The following ZNF804A variants were observed in gnomAD, a reference collection of about 807,000 sequenced individuals.
The protein encoded by ZNF804A is zinc finger protein 804A.
In ZNF804A, 2 loss-of-function variants were observed where a neutral mutation model predicts 16.5. The ratio of observed to expected loss-of-function variants is 0.12; its 90% CI spans 0.05 to 0.38. The LOEUF (loss-of-function observed/expected upper bound fraction) is 0.38, where lower values mean the gene tolerates loss of function less well. Ranked by LOEUF, ZNF804A falls within the 10% of genes least tolerant of loss-of-function variation. The pLI, the probability that ZNF804A is intolerant of heterozygous loss-of-function variation, is 0.99. For synonymous variants in ZNF804A, 534 were observed against 489.6 expected (o/e 1.09, Z -1.20); for missense variants, 1,473 against 1,390.7 (o/e 1.06, Z -0.94).
chr2:184,691,388 T>C (rs1297773269), intron 1 of ZNF804A, among the ~76,000 whole-genome samples: 1 of 151,882 alleles, frequency 6.6e-6, no homozygotes, highest in Admixed American at 6.6e-5. Flanking sequence ...TCCAAGTCAA[T>C]TGGTATGAGA....
rs1015626217 is a variant in ZNF804A, at chr2:184,936,205, G to A, written c.809G>A (p.Ser270Asn). ...TCTTCACCAACAGATGTGCTTTTGA[G>A]TTCTGAGGAGAAAACTAACTCTTTT... ...QQSSPTDVLLSSEEKTNSFHP... is the reference protein window; with the variant it reads ...QQSSPTDVLLNSEEKTNSFHP... Residue 270 changes from serine (S) to asparagine (N), a missense_variant, in exon 4 of 4, where the codon AGT (serine) becomes AAT (asparagine). By Grantham distance (46) the Ser-to-Asn change is conservative (BLOSUM62 1). Coordinates refer to ENST00000302277, the MANE Select transcript of ZNF804A (RefSeq NM_194250.2). The A allele has an allele frequency of 1.9e-6, 3 of 1,614,042 alleles. No homozygotes were observed. Among genetic ancestry groups the A allele is most frequent in the Non-Finnish European group, 1.7e-6 (2 of 1,179,940 alleles).
rs139851450 is a variant in ZNF804A, at chr2:184,891,150, C to T, written c.255+24638C>T. 1.6e-4 allele frequency among the ~76,000 whole-genome samples: 24 copies of T among 152,162 alleles called. 2 individuals carry two copies. In the East Asian group the frequency reaches 4.6e-3, roughly 29 times the overall value. On this transcript the variant is annotated intron_variant, in intron 2 of 3. Transcript: ENST00000302277. ...GTTTCTGCAGGCTTTGGAAATTTACCTTTCTTTAATGCCAAGCTGACGTTC... is the reference window on the plus strand; with the variant it reads ...GTTTCTGCAGGCTTTGGAAATTTACTTTTCTTTAATGCCAAGCTGACGTTC...
Position 184,935,778 on chromosome 2 carries a change from T to A in ZNF804A, c.387-5T>A. 2 of 1,589,998 alleles carry A rather than the reference T, an allele frequency of 1.3e-6. No individual in the cohort carries two copies. Among genetic ancestry groups the A allele is most frequent in the Non-Finnish European group, 1.7e-6 (2 of 1,169,556 alleles). On this transcript the variant is annotated splice_region_variant and splice_polypyrimidine_tract_variant and intron_variant, in intron 3 of 3. Transcript: ENST00000302277. ...TTTAACACATGCTTCTGTTTCTCTC[T>A]CTAGTGCTCCTGGAAGTGGCCCCAT... is the stretch of plus-strand genomic sequence containing the variant.
At chr2:184,770,871 T>C (rs771271737) in intron 1 of ZNF804A, among the ~76,000 whole-genome samples, 1 of 152,094 alleles carries the variant, frequency 6.6e-6, no homozygotes, top group Non-Finnish European at 1.5e-5. Context: ...AAATATTAGA[T>C]ATTCTATAAC....
intron 1 of ZNF804A, among the ~76,000 whole-genome samples, chr2:184,847,852 T>G (rs528566262): frequency 6.6e-6 from 1 of 152,104 alleles, no homozygotes; most frequent in African/African-American, 2.4e-5. Context: ...GGCAAATAAT[T>G]TATTCATTAT....
chr2:184,844,958 G>C (rs1216858405), intron 1 of ZNF804A, among the ~76,000 whole-genome samples: 2 of 150,832 alleles, frequency 1.3e-5, no homozygotes. Context: ...GTTTTTCTTT[G>C]CATTTCAGTT....
At position 184,696,238 on chromosome 2, in the gene ZNF804A, TA is replaced by T. The variant is rs1692829441; in HGVS notation, c.111+97175del. Among the ~76,000 whole-genome samples the T allele has an allele frequency of 4.6e-5, 7 of 152,134 alleles. No homozygotes were observed. The South Asian group carries it at 1.5e-3, about 32-fold the overall frequency. On this transcript the variant is annotated intron_variant, in intron 1 of 3. Transcript: ENST00000302277. ...CTTTCAACAAAGGCGAGATTGGGTT[TA>T]AAAAAACAAAAGAGGAAGACCAATT...
At chr2:184,620,547 G>A (rs1691401062) in intron 1 of ZNF804A, among the ~76,000 whole-genome samples, 1 of 151,746 alleles carries the variant, frequency 6.6e-6, no homozygotes, top group Admixed American at 6.6e-5. Flanking sequence ...AAACAGGGTA[G>A]TAACAGGATA....
At chr2:184,685,380 C>T (rs1692612182) in intron 1 of ZNF804A, among the ~76,000 whole-genome samples, 1 of 152,032 alleles carries the variant, frequency 6.6e-6, no homozygotes, top group Admixed American at 6.6e-5. Flanking sequence ...CAGCTCTTCT[C>T]TCCTTCTTGT....
At chr2:184,881,453 G>C (rs1378515745) in intron 2 of ZNF804A, among the ~76,000 whole-genome samples, 1 of 151,840 alleles carries the variant, frequency 6.6e-6, no homozygotes, top group Non-Finnish European at 1.5e-5. Flanking sequence ...CAATCTGCAA[G>C]ACACATAGTC....
rs578257332 is a variant in ZNF804A at position 184,937,764 on chromosome 2, C to T, written c.2368C>T (p.His790Tyr). 1.2e-6 allele frequency: 2 copies of T among 1,613,972 alleles called. No homozygotes were observed. The highest frequency in any genetic ancestry group is 1.1e-5 in the South Asian group (1 of 91,074). Reference protein sequence around the residue: ...SSDESLNRQNHLPEEFLRPPS... With the variant: ...SSDESLNRQNYLPEEFLRPPS... ...AGATGAAAGTTTAAATCGACAGAATCATTTACCAGAAGAATTTTTGAGGCC... is the reference window on the plus strand; with the variant it reads ...AGATGAAAGTTTAAATCGACAGAATTATTTACCAGAAGAATTTTTGAGGCC... The change falls in exon 4 of 4, where the codon CAT becomes TAT. Residue 790 changes from histidine (H) to tyrosine (Y), a missense_variant. By Grantham distance (83) the His-to-Tyr change is moderately conservative (BLOSUM62 2). Transcript: ENST00000302277.
At chr2:184,821,698 A>G (rs749459199) in intron 1 of ZNF804A, among the ~76,000 whole-genome samples, 1 of 152,174 alleles carries the variant, frequency 6.6e-6, no homozygotes, top group Non-Finnish European at 1.5e-5. Flanking sequence ...TCTACAAGGA[A>G]CTTAAACAGA....
At chr2:184,643,492 A>T (rs1302910961) in intron 1 of ZNF804A, among the ~76,000 whole-genome samples, 2 of 151,980 alleles carry the variant, frequency 1.3e-5, no homozygotes, top group African/African-American at 4.8e-5. Context: ...ATATTGTCTT[A>T]TTCTTACAGT....
intron 1 of ZNF804A, among the ~76,000 whole-genome samples, chr2:184,828,357 A>G (rs1319022772): frequency 6.6e-6 from 1 of 151,872 alleles, no homozygotes; most frequent in East Asian, 1.9e-4. Flanking sequence ...AACTGAAGTA[A>G]CAAAAGCTGA....
At chr2:184,648,105 T>C (rs1691912868) in intron 1 of ZNF804A, among the ~76,000 whole-genome samples, 1 of 152,056 alleles carries the variant, frequency 6.6e-6, no homozygotes, top group African/African-American at 2.4e-5. Context: ...GTATAAATAA[T>C]TTTAAGAAAA....
At chr2:184,810,833 C>A (rs944737234) in intron 1 of ZNF804A, among the ~76,000 whole-genome samples, 1 of 152,026 alleles carries the variant, frequency 6.6e-6, no homozygotes, top group Admixed American at 6.6e-5. Flanking sequence ...ACACTAAAAA[C>A]CATTCTATTA....
At chr2:184,625,820 A>G (rs1415835806) in intron 1 of ZNF804A, among the ~76,000 whole-genome samples, 2 of 152,262 alleles carry the variant, frequency 1.3e-5, no homozygotes, top group East Asian at 3.9e-4. Context: ...AATTTTATAC[A>G]GCTAAACACC....
At chr2:184,808,978 T>G (rs1321066389) in intron 1 of ZNF804A, among the ~76,000 whole-genome samples, 9 of 151,994 alleles carry the variant, frequency 5.9e-5, no homozygotes, top group Admixed American at 5.9e-4. Flanking sequence ...TATAAAATAT[T>G]GACTTAGCTC....
intron 2 of ZNF804A, among the ~76,000 whole-genome samples, chr2:184,900,970 A>T (rs547742574): frequency 1.3e-5 from 2 of 152,258 alleles, no homozygotes; most frequent in South Asian, 4.1e-4. Flanking sequence ...TGGCCAAAGG[A>T]TGCTGTTCTT....
Sources: gnomAD v4.1 joint callset for allele counts (sites outside exome capture counted in the v4.1 genomes callset) on GRCh38, gnomAD v4.1.1 for gene constraint, MANE v1.5 for transcripts, NCBI Gene and HGNC (gene_info 2026-07-23, HGNC 2026-07-21) for gene names.